The following GALK2 variants were observed in gnomAD, a reference collection of about 807,000 sequenced individuals.
GALK2 encodes the protein galactokinase 2.
In GALK2, 36 loss-of-function variants were observed where a neutral mutation model predicts 52.4. That is an observed-to-expected ratio of 0.69 (90% CI 0.53 to 0.91). GALK2 has a LOEUF of 0.91. Among genes scored for constraint, GALK2 ranks in the 40% least tolerant of loss-of-function variants. The pLI is 0.00. For synonymous variants in GALK2, 176 were observed against 199.1 expected (o/e 0.88, Z 0.98); for missense variants, 579 against 559.1 (o/e 1.04, Z -0.36).
At chr15:49,170,443 A>G in intron 1 of GALK2, 68 bp downstream of exon 1, 1 of 1,470,848 alleles carries the variant, frequency 6.8e-7, no homozygotes, top group Non-Finnish European at 9.2e-7. Context: ...GGTCCACAGC[A>G]CTTGGCTCCT....
rs145753175 is a variant in GALK2 at position 49,212,123 on chromosome 15, C to T, written c.143-5067C>T. Among the ~76,000 whole-genome samples, 808 of 152,224 alleles carry T rather than the reference C, an allele frequency of 5.3e-3. 13 individuals carry two copies. Among genetic ancestry groups the T allele is most frequent in the East Asian group, 0.043 (225 of 5,188 alleles). On this transcript the variant is annotated intron_variant, in intron 2 of 9. Transcript: ENST00000560031. ...TTCTTTTTTGTTTGAAATGGAGTCTCGCTCTGTTGCCCAGGCTGGAGTGCA... is the reference window on the plus strand; with the variant it reads ...TTCTTTTTTGTTTGAAATGGAGTCTTGCTCTGTTGCCCAGGCTGGAGTGCA...
chr15:49,278,316 C>G (rs979973831), intron 5 of GALK2, among the ~76,000 whole-genome samples: 2 of 152,164 alleles, frequency 1.3e-5, no homozygotes, highest in Non-Finnish European at 2.9e-5. Flanking sequence ...CTGTTTGCCT[C>G]AGGCTTCATT....
chr15:49,333,530 G>A (rs192339125), downstream of GALK2, among the ~76,000 whole-genome samples: 534 of 152,312 alleles, frequency 3.5e-3, 4 homozygotes, highest in African/African-American at 0.012. Context: ...ACCCGGAATG[G>A]AACCTTGTAA....
At chr15:49,210,973 T>TCACACACACACACACACACACA (rs3075099) in intron 2 of GALK2, among the ~76,000 whole-genome samples, 21 of 146,526 alleles carry the variant, frequency 1.4e-4, no homozygotes, top group African/African-American at 4.8e-4. Context: ...ACACACACAC[T>TCACACACACACACACACACACA]CACACACACA....
In GALK2 at chr15:49,328,084, A is replaced by G; in HGVS notation, c.1302A>G (p.Gly434=). The change falls in exon 10 of 10, where the codon GGA becomes GGG. Residue 434 remains glycine, a synonymous_variant. Coordinates refer to ENST00000560031, the MANE Select transcript of GALK2 (RefSeq NM_002044.4). ...VHKAYYQRSD[G]SLAPEKQSLF... ...AAGCTTATTACCAGAGGAGTGATGG[A>G]AGCTTAGCACCGGAGAAGCAAAGTT... The G allele has an allele frequency of 6.2e-7, 1 of 1,614,080 alleles. No individual in the cohort carries two copies. Among genetic ancestry groups the G allele is most frequent in the Non-Finnish European group, 8.5e-7 (1 of 1,179,992 alleles).
chr15:49,159,495 G>T (rs1484190896), intron 1 of GALK2, among the ~76,000 whole-genome samples: 3 of 150,184 alleles, frequency 2.0e-5, no homozygotes, highest in Admixed American at 1.3e-4. Flanking sequence ...AGAATCTTTT[G>T]AACCAGGGAG....
At chr15:49,315,240 A>G (rs748226876) in intron 8 of GALK2, among the ~76,000 whole-genome samples, 1 of 152,198 alleles carries the variant, frequency 6.6e-6, no homozygotes, top group Non-Finnish European at 1.5e-5. Context: ...ATATTGGAGG[A>G]AAATATCATC....
intron 7 of GALK2, among the ~76,000 whole-genome samples, chr15:49,284,332 A>G (rs1022354815): frequency 3.3e-5 from 5 of 152,220 alleles, no homozygotes; most frequent in African/African-American, 1.2e-4. Context: ...ACATGGGACT[A>G]GAGAGAGTGG....
At chr15:49,254,250 A>G (rs909755190) in intron 5 of GALK2, among the ~76,000 whole-genome samples, 5 of 143,804 alleles carry the variant, frequency 3.5e-5, no homozygotes, top group East Asian at 3.8e-4. Context: ...CTGTATTTAT[A>G]TAAATTAAAG....
In GALK2 at chr15:49,292,424, T is replaced by G; in HGVS notation, c.854T>G (p.Val285Gly). 1 of 1,614,042 alleles carries G rather than the reference T, an allele frequency of 6.2e-7. No homozygotes were observed. ...LGISLEEMLL[V>G]TEDALHPEPY... ...ATTAGTCTAGAAGAAATGCTGTTGG[T>G]CACAGAAGATGCCCTTCATCCTGAA... Residue 285 changes from valine to glycine, a missense_variant, in exon 8 of 10, where the codon GTC becomes GGC. By Grantham distance (109) the Val-to-Gly change is moderately radical. Transcript: ENST00000560031.
chr15:49,358,478 C>A (rs2151378640), intron 3 of GALK2, among the ~76,000 whole-genome samples: 1 of 143,806 alleles, frequency 7.0e-6, no homozygotes, highest in South Asian at 2.3e-4. Context: ...GAGTGAACTC[C>A]CATTCACAAT....
intron 5 of GALK2, among the ~76,000 whole-genome samples, chr15:49,245,661 C>G (rs1232016746): frequency 1.3e-5 from 2 of 152,136 alleles, no homozygotes; most frequent in Non-Finnish European, 2.9e-5. Context: ...ATACAGGCAT[C>G]TTCCATTTAG....
chr15:49,310,958 C>T (rs1231033380), intron 8 of GALK2, among the ~76,000 whole-genome samples: 1 of 152,132 alleles, frequency 6.6e-6, no homozygotes, highest in East Asian at 1.9e-4. Context: ...CGCATAAGTT[C>T]TTTGCCTATA....
At chr15:49,300,640 A>G (rs1294836703) in intron 8 of GALK2, among the ~76,000 whole-genome samples, 1 of 152,094 alleles carries the variant, frequency 6.6e-6, no homozygotes, top group Non-Finnish European at 1.5e-5. Flanking sequence ...GGTGCCAGTT[A>G]TCCCCATGCT....
At chr15:49,335,217 C>T (rs996282311), downstream of GALK2, among the ~76,000 whole-genome samples, 6 of 152,148 alleles carry the variant, frequency 3.9e-5, no homozygotes, top group Non-Finnish European at 8.8e-5. Context: ...TCCTTCCTTT[C>T]TTCTGTCCCT....
intron 7 of GALK2, among the ~76,000 whole-genome samples, chr15:49,289,554 T>C (rs914480466): frequency 1.3e-5 from 2 of 152,174 alleles, no homozygotes; most frequent in African/African-American, 4.8e-5. Context: ...TTAATATCCT[T>C]GAGAGCCACC....
chr15:49,177,599 C>T, intron 1 of GALK2: 1 of 182,682 alleles, frequency 5.5e-6, no homozygotes, highest in Non-Finnish European at 1.2e-5. Context: ...ACATTACTTA[C>T]ATTAGTGGTA....
intron 2 of GALK2, among the ~76,000 whole-genome samples, chr15:49,213,571 TA>T (rs1299904615): frequency 1.3e-5 from 2 of 152,146 alleles, no homozygotes; most frequent in Non-Finnish European, 2.9e-5. Context: ...TATTTTATTT[TA>T]TTTTTTTTGG....
chr15:49,233,110 G>T (rs2090597216), intron 3 of GALK2, among the ~76,000 whole-genome samples: 1 of 152,170 alleles, frequency 6.6e-6, no homozygotes, highest in Admixed American at 6.5e-5. Context: ...GAGACTGAGT[G>T]ATTTATAAGG....
Sources: allele counts gnomAD v4.1 joint callset (sites outside exome capture counted in the v4.1 genomes callset), GRCh38; gene constraint gnomAD v4.1.1; transcripts MANE v1.5; gene names NCBI Gene and HGNC (gene_info 2026-07-23, HGNC 2026-07-21).